ACVR1B: variants seen among roughly 807,000 people sequenced by gnomAD.
ACVR1B encodes the protein activin A receptor type 1B.
In ACVR1B, 15 loss-of-function variants were observed where a neutral mutation model predicts 55.6. That is an observed-to-expected ratio of 0.27 (90% CI 0.18 to 0.42). The LOEUF is 0.42. Among genes scored for constraint, ACVR1B ranks in the 10% least tolerant of loss-of-function variants. The pLI, the probability that ACVR1B is intolerant of heterozygous loss-of-function variation, is 1.00. For synonymous variants in ACVR1B, 247 were observed against 254.6 expected (o/e 0.97, Z 0.28); for missense variants, 359 against 670.1 (o/e 0.54, Z 5.13).
chr12:51,953,157 G>A (rs1941343120), intron 1 of ACVR1B, among the ~76,000 whole-genome samples: 1 of 152,134 alleles, frequency 6.6e-6, no homozygotes, highest in Non-Finnish European at 1.5e-5. Context: ...CTTCTCAGCA[G>A]CCCCTAACCT....
chr12:51,984,481 A>G (rs1351559252), intron 5 of ACVR1B, among the ~76,000 whole-genome samples: 1 of 152,222 alleles, frequency 6.6e-6, no homozygotes, highest in African/African-American at 2.4e-5. Flanking sequence ...TAGACATGAG[A>G]AAAAATGGAA....
chr12:51,987,083 A>G, intron 7 of ACVR1B, 141 bp downstream of exon 7: 2 of 1,171,680 alleles, frequency 1.7e-6, no homozygotes, highest in Non-Finnish European at 2.6e-6. Flanking sequence ...GGTTGCCATC[A>G]AAGGTGTGGA....
In ACVR1B at chr12:51,975,281, C is replaced by T; in HGVS notation, c.108C>T (p.Cys36=). The T allele has an allele frequency of 1.2e-6, 2 of 1,612,926 alleles. No homozygotes were observed. The highest frequency in any genetic ancestry group is 1.1e-5 in the South Asian group (1 of 91,080). ...PRGVQALLCA[C]TSCLQANYTC... ...TTCCTGCAGCTCTGCTGTGTGCGTG[C>T]ACCAGCTGCCTCCAGGCCAACTACA... is the stretch of plus-strand genomic sequence containing the variant. Residue 36 remains cysteine, a synonymous_variant, in exon 2 of 9, where the codon TGC becomes TGT. Transcript: ENST00000257963.
chr12:51,964,438 G>C (rs898010616), intron 1 of ACVR1B, among the ~76,000 whole-genome samples: 3 of 152,058 alleles, frequency 2.0e-5, no homozygotes, highest in Non-Finnish European at 4.4e-5. Context: ...TTTTGATATT[G>C]CCCTTTGATA....
intron 1 of ACVR1B, among the ~76,000 whole-genome samples, chr12:51,971,935 C>T (rs1941752624): frequency 6.6e-6 from 1 of 152,220 alleles, no homozygotes; most frequent in African/African-American, 2.4e-5. Flanking sequence ...AGCCATGCAA[C>T]TAGTTCCTGA....
intron 7 of ACVR1B, among the ~76,000 whole-genome samples, chr12:51,989,351 C>A (rs531518943): frequency 1.1e-3 from 174 of 152,236 alleles, no homozygotes; most frequent in Middle Eastern, 0.01. Context: ...ATGGCACAAT[C>A]TTAGCTCACT....
chr12:51,992,275 C>A, intron 8 of ACVR1B: 1 of 468,286 alleles, frequency 2.1e-6, no homozygotes, highest in Non-Finnish European at 3.8e-6. Context: ...GAGGCTGAGG[C>A]AGGAAGATAG....
At chr12:51,963,136 CAT>C (rs1466326202) in intron 1 of ACVR1B, among the ~76,000 whole-genome samples, 3 of 152,048 alleles carry the variant, frequency 2.0e-5, no homozygotes, top group Non-Finnish European at 4.4e-5. Context: ...ATACGTATAA[CAT>C]AAAATGTACT....
rs962809810 is a variant in ACVR1B at position 51,994,460 on chromosome 12, C to G, written c.*350C>G. On this transcript the variant is annotated 3_prime_UTR_variant, in exon 9 of 9. Transcript: ENST00000257963. The surrounding 1 kb of genome is among the most constrained non-coding windows in gnomAD (Gnocchi z 4.2). ...GGCGCTTGGGAGGGGCCGGAGGAAC[C>G]GAGGTGTTGCCAGTGCTAAGCTGCC... 1 of 283,626 alleles carries G rather than the reference C, an allele frequency of 3.5e-6. No homozygotes were observed. The highest frequency in any genetic ancestry group is 6.8e-6 in the Non-Finnish European group (1 of 146,728). The allele number at this position is 283,626 out of a possible 1,614,324, so 17.6% of individuals were successfully genotyped here.
chr12:51,981,146 C>T lies in ACVR1B; in HGVS notation c.758C>T (p.Thr253Met), dbSNP rs759874692. 12 of 1,613,972 alleles carry T rather than the reference C, an allele frequency of 7.4e-6. No homozygotes were observed. Among genetic ancestry groups the T allele is most frequent in the East Asian group, 4.5e-5 (2 of 44,882 alleles). Residue 253 changes from threonine (T) to methionine (M), a missense_variant, in exon 4 of 9, where the codon ACG becomes ATG. By Grantham distance (81) the Thr-to-Met change is moderately conservative (BLOSUM62 -1). Transcript: ENST00000257963. ...SWFREAEIYQ[T>M]VMLRHENILG... ...TTCAGGGAAGCAGAGATATACCAGA[C>T]GGTCATGCTGCGCCATGAAAACATC...
At chr12:51,988,921 C>T (rs911545634) in intron 7 of ACVR1B, among the ~76,000 whole-genome samples, 3 of 152,024 alleles carry the variant, frequency 2.0e-5, no homozygotes, top group Non-Finnish European at 4.4e-5. Context: ...AGTTTGAGAC[C>T]AGCTTGGGCT....
chr12:51,977,717 CAA>C (rs1941893193), intron 3 of ACVR1B, among the ~76,000 whole-genome samples: 1 of 146,776 alleles, frequency 6.8e-6, no homozygotes, highest in East Asian at 2.0e-4. Flanking sequence ...CTCCTGGGCT[CAA>C]GAGATCCTCC....
intron 1 of ACVR1B, among the ~76,000 whole-genome samples, chr12:51,955,484 A>G (rs1228958088): frequency 1.3e-5 from 2 of 152,244 alleles, no homozygotes; most frequent in Non-Finnish European, 2.9e-5. Context: ...GTCTGTTCTC[A>G]TAATAGCTGA....
At chr12:51,971,735 T>C (rs1941749375) in intron 1 of ACVR1B, among the ~76,000 whole-genome samples, 1 of 152,220 alleles carries the variant, frequency 6.6e-6, no homozygotes, top group Non-Finnish European at 1.5e-5. Flanking sequence ...TTAAAAGATG[T>C]TTAGGAAAAG....
chr12:51,974,531 A>G (rs1223496447), intron 1 of ACVR1B, among the ~76,000 whole-genome samples: 2 of 152,098 alleles, frequency 1.3e-5, no homozygotes, highest in Non-Finnish European at 2.9e-5. Flanking sequence ...GTGCGCGCGC[A>G]CACTCATGCG....
At chr12:51,966,545 C>T (rs2120518482) in intron 1 of ACVR1B, among the ~76,000 whole-genome samples, 1 of 152,342 alleles carries the variant, frequency 6.6e-6, no homozygotes, top group Non-Finnish European at 1.5e-5. Flanking sequence ...GTCTCCTGGG[C>T]TCAAGCAATC....
At chr12:51,973,156 A>C (rs1565615309) in intron 1 of ACVR1B, among the ~76,000 whole-genome samples, 1 of 152,234 alleles carries the variant, frequency 6.6e-6, no homozygotes, top group African/African-American at 2.4e-5. Flanking sequence ...AATAAGCATA[A>C]GTATCTGGAA....
intron 1 of ACVR1B, among the ~76,000 whole-genome samples, chr12:51,962,625 GC>G (rs1031369946): frequency 5.9e-5 from 9 of 151,946 alleles, no homozygotes; most frequent in Non-Finnish European, 1.2e-4. Flanking sequence ...TTGCCTTCCT[GC>G]CCCCCAAGAA....
At chr12:51,987,143 T>C (rs1211910439) in intron 7 of ACVR1B, 1 of 749,074 alleles carries the variant, frequency 1.3e-6, no homozygotes, top group Admixed American at 2.0e-5. Flanking sequence ...GTTTGTTGAA[T>C]AGCGTTGTGT....
Sources: gnomAD v4.1 joint callset for allele counts (sites outside exome capture counted in the v4.1 genomes callset) on GRCh38, gnomAD v4.1.1 for gene constraint, Gnocchi (gnomAD v3.1) non-coding constraint, MANE v1.5 for transcripts, NCBI Gene and HGNC (gene_info 2026-07-23, HGNC 2026-07-21) for gene names.